Variants in MINDY3 observed in about 807,000 individuals in gnomAD.
MINDY3 encodes MINDY lysine 48 deubiquitinase 3.
In MINDY3, 38 loss-of-function variants were observed where a neutral mutation model predicts 69.2. That is an observed-to-expected ratio of 0.55 (90% CI 0.42 to 0.72). MINDY3 has a LOEUF of 0.72. Ranked by LOEUF, MINDY3 falls within the 30% of genes least tolerant of loss-of-function variation. The pLI is 0.00. For missense variants in MINDY3, 522 were observed against 519.0 expected, an observed-to-expected ratio of 1.01 and a Z score of -0.06; for synonymous variants, 192 against 180.1, an observed-to-expected ratio of 1.07 and a Z score of -0.53.
At chr10:15,843,578 C>A (rs1021422125) in intron 2 of MINDY3, among the ~76,000 whole-genome samples, 19 of 152,070 alleles carry the variant, frequency 1.2e-4, no homozygotes, top group Non-Finnish European at 4.4e-5. Context: ...ACTTACTGCT[C>A]TATTCACAAA....
At chr10:15,833,277 A>T (rs189967394) in intron 8 of MINDY3, among the ~76,000 whole-genome samples, 33 of 152,338 alleles carry the variant, frequency 2.2e-4, no homozygotes, top group African/African-American at 7.9e-4. Context: ...TCACACCACC[A>T]GGCTTTGTAA....
Position 15,789,334 on chromosome 10 carries a change from A to G in MINDY3, c.956-15T>C. On this transcript the variant is annotated splice_polypyrimidine_tract_variant and intron_variant, in intron 11 of 14. Coordinates refer to ENST00000277632, the MANE Select transcript of MINDY3 (RefSeq NM_024948.4). ...GAATCCATTATCTAGGGGGGAAAAA[A>G]TCAGAAACAACTTGAAATAAGAATT... The G allele has an allele frequency of 6.3e-7, 1 of 1,594,814 alleles. No homozygotes were observed. The highest frequency in any genetic ancestry group is 8.6e-7 in the Non-Finnish European group (1 of 1,164,004).
At chr10:15,830,148 G>A (rs1455253291) in intron 8 of MINDY3, among the ~76,000 whole-genome samples, 1 of 152,152 alleles carries the variant, frequency 6.6e-6, no homozygotes, top group African/African-American at 2.4e-5. Context: ...CATAACCAAT[G>A]TCTGCCCTCA....
intron 10 of MINDY3, among the ~76,000 whole-genome samples, chr10:15,811,690 C>T (rs1362966888): frequency 6.6e-6 from 1 of 152,048 alleles, no homozygotes; most frequent in East Asian, 1.9e-4. Flanking sequence ...GTTAACATTA[C>T]TCATAATTTT....
chr10:15,805,196 C>T (rs748901261), intron 10 of MINDY3, among the ~76,000 whole-genome samples: 7 of 152,108 alleles, frequency 4.6e-5, no homozygotes, highest in Non-Finnish European at 1.0e-4. Context: ...TGAAGTTAGA[C>T]GACGTTCTTG....
chr10:15,836,709 G>A (rs1253218315), intron 6 of MINDY3, among the ~76,000 whole-genome samples: 2 of 151,070 alleles, frequency 1.3e-5, no homozygotes, highest in Non-Finnish European at 3.0e-5. Context: ...CTGGATCCAG[G>A]GAAGAAAATT....
At chr10:15,845,107 T>C (rs1004205090) in intron 2 of MINDY3, among the ~76,000 whole-genome samples, 1 of 152,218 alleles carries the variant, frequency 6.6e-6, no homozygotes, top group Non-Finnish European at 1.5e-5. Flanking sequence ...TGATGATACA[T>C]TAAGTTTCTT....
chr10:15,801,818 C>G (rs1838281066), intron 10 of MINDY3, among the ~76,000 whole-genome samples: 1 of 151,756 alleles, frequency 6.6e-6, no homozygotes, highest in East Asian at 1.9e-4. Context: ...TGCATGAGTT[C>G]ATAGGATTTA....
intron 12 of MINDY3, 61 bp downstream of exon 12, chr10:15,789,186 A>G (rs1837220834): frequency 2.2e-6 from 3 of 1,353,512 alleles, no homozygotes; most frequent in African/African-American, 1.4e-5. Flanking sequence ...AATGTACAAT[A>G]TGTCTTAAAC....
chr10:15,856,010 G>A (rs1264801397), intron 1 of MINDY3, among the ~76,000 whole-genome samples: 1 of 151,990 alleles, frequency 6.6e-6, no homozygotes. Flanking sequence ...AATATTGGTT[G>A]TTAGGCAAAT....
At chr10:15,841,921 A>T (rs936072806) in intron 3 of MINDY3, among the ~76,000 whole-genome samples, 55 of 151,754 alleles carry the variant, frequency 3.6e-4, no homozygotes, top group African/African-American at 1.3e-3. Flanking sequence ...GCAGCATTTA[A>T]GCCAAGAGGT....
rs11327084 is a variant in MINDY3 at position 15,789,398 on chromosome 10, GA to G, written c.956-80del. ...GCTATTAATGCTGATCAGGTTCCAG[GA>G]AAAAAAAATCGCATAAAAAATACAA... On this transcript the variant is annotated intron_variant, in intron 11 of 14. Coordinates refer to ENST00000277632, the MANE Select transcript of MINDY3 (RefSeq NM_024948.4). 8,890 of 1,086,470 alleles carry G rather than the reference GA, an allele frequency of 8.2e-3. 430 individuals carry two copies. In the African/African-American group the frequency reaches 0.11, roughly 14 times the overall value. 67.3% of individuals were successfully genotyped at this position (1,086,470 alleles called of 1,614,324 possible).
At chr10:15,834,343 T>C (rs1032979160) in intron 7 of MINDY3, among the ~76,000 whole-genome samples, 200 bp downstream of exon 7, 6 of 151,978 alleles carry the variant, frequency 3.9e-5, no homozygotes, top group Non-Finnish European at 7.4e-5. Context: ...TTTGCCCCAA[T>C]AAATGCATAC....
At chr10:15,826,414 T>C (rs758043690) in intron 8 of MINDY3, among the ~76,000 whole-genome samples, 1 of 152,192 alleles carries the variant, frequency 6.6e-6, no homozygotes, top group Admixed American at 6.5e-5. Context: ...TTCAGGACCA[T>C]ATAATCTATA....
At chr10:15,802,421 A>AGAGAGCAT (rs1838330236) in intron 10 of MINDY3, among the ~76,000 whole-genome samples, 1 of 152,212 alleles carries the variant, frequency 6.6e-6, no homozygotes, top group South Asian at 2.1e-4. Context: ...GCAGCAGGGG[A>AGAGAGCAT]GAGAGCATGC....
At chr10:15,782,305 A>T in intron 13 of MINDY3, 79 bp from the exon 14 acceptor site, 1 of 972,578 alleles carries the variant, frequency 1.0e-6, no homozygotes, top group Non-Finnish European at 1.5e-6. Context: ...AGTAAAATGC[A>T]TGTTTCTCAA....
At position 15,789,329 on chromosome 10, in the gene MINDY3, A is replaced by G. The variant is rs759884045; in HGVS notation, c.956-10T>C. On this transcript the variant is annotated splice_polypyrimidine_tract_variant and intron_variant, in intron 11 of 14. Transcript: ENST00000277632. ...GGTATGAATCCATTATCTAGGGGGG[A>G]AAAAATCAGAAACAACTTGAAATAA... The G allele has an allele frequency of 3.4e-5, 55 of 1,594,876 alleles. No individual in the cohort carries two copies. In the African/African-American group the frequency reaches 6.2e-4, roughly 18 times the overall value.
intron 14 of MINDY3, among the ~76,000 whole-genome samples, chr10:15,781,285 ACT>A (rs1274838504): frequency 6.6e-6 from 1 of 151,682 alleles, no homozygotes; most frequent in Admixed American, 6.6e-5. Flanking sequence ...CTTAATTTAC[ACT>A]GTTTTCTGTA....
intron 1 of MINDY3, among the ~76,000 whole-genome samples, chr10:15,849,855 G>A (rs1466447612): frequency 3.3e-5 from 5 of 152,056 alleles, no homozygotes; most frequent in Non-Finnish European, 7.4e-5. Flanking sequence ...CATCACTCTT[G>A]TCCTCCCAAA....
Sources: allele counts gnomAD v4.1 joint callset (sites outside exome capture counted in the v4.1 genomes callset), GRCh38; gene constraint gnomAD v4.1.1; transcripts MANE v1.5; gene names NCBI Gene and HGNC (gene_info 2026-07-23, HGNC 2026-07-21).